RPS2: variants seen among roughly 807,000 people sequenced by gnomAD.
RPS2 encodes small ribosomal subunit protein uS5.
A neutral mutation model predicts 25.3 loss-of-function variants in RPS2; 8 were observed. The observed-to-expected ratio is 0.32, with a 90% CI of 0.19 to 0.57. RPS2 has a LOEUF of 0.57. RPS2 is among the 20% of genes least tolerant of loss of function. The pLI, the probability that RPS2 is intolerant of heterozygous loss-of-function variation, is 0.90. For missense variants in RPS2, 229 were observed against 408.1 expected (o/e 0.56, Z 3.78); for synonymous variants, 181 against 161.3 (o/e 1.12, Z -0.92).
chr16:1,964,759 T>G (rs2083291702), intron 1 of RPS2, 48 bp downstream of exon 1: 1 of 561,274 alleles, frequency 1.8e-6, no homozygotes, highest in Non-Finnish European at 3.1e-6. Flanking sequence ...TGTCCGCGGA[T>G]TCCCGCCGCC....
intron 3 of RPS2, 146 bp from the exon 4 acceptor site, chr16:1,963,402 G>C (rs114553579): frequency 1.7e-6 from 1 of 599,574 alleles, no homozygotes. Flanking sequence ...CGGATCACAA[G>C]GTCAGGAGTC....
intron 3 of RPS2, 54 bp from the exon 4 acceptor site, chr16:1,963,310 T>C (rs1477127915): frequency 3.3e-6 from 4 of 1,223,906 alleles, no homozygotes; most frequent in Non-Finnish European, 4.6e-6. Flanking sequence ...CTTAATACCA[T>C]TATGATATTC....
At chr16:1,964,406 G>C (rs761905160) in intron 2 of RPS2, 41 bp from the exon 3 acceptor site, 3 of 1,612,818 alleles carry the variant, frequency 1.9e-6, no homozygotes, top group Admixed American at 3.3e-5. Context: ...ACCGCTCTCC[G>C]GCGCCGCCCA....
intron 3 of RPS2, chr16:1,963,549 G>A: frequency 2.8e-6 from 1 of 363,388 alleles, no homozygotes; most frequent in Non-Finnish European, 5.3e-6. Context: ...CTGGGAGGTG[G>A]AGGTTGCAGT....
chr16:1,963,078 C>T (rs769847644), intron 4 of RPS2, 71 bp downstream of exon 4: 1 of 1,404,322 alleles, frequency 7.1e-7, no homozygotes, highest in Admixed American at 1.7e-5. Context: ...CGGGTGAAGC[C>T]AAGTGCAACT....
rs756216937 is a variant in RPS2, at chr16:1,964,503, TCCACGG to T, written c.117_122del (p.Arg48_Gly49del). 11 of 1,600,662 alleles carry T rather than the reference TCCACGG, an allele frequency of 6.9e-6. No homozygotes were observed. In the Admixed American group the frequency reaches 1.7e-4, roughly 25 times the overall value. On this transcript the variant is annotated inframe_deletion, in exon 2 of 7. Coordinates refer to ENST00000343262, the MANE Select transcript of RPS2 (RefSeq NM_002952.4). ...CTCCGCGGCCTCGGCCCCGGCCCCG[TCCACGG>T]CCGCGACCCCGGCCCCGGATGCCAC...
rs777101830 is a variant in RPS2, at chr16:1,964,333, G to A, written c.210C>T (p.Val70=). ...CCAGGGACTTGATCTTCATGTCCTT[G>A]ACCAAGCGGCCCAACTTGGTGACGG... is the stretch of plus-strand genomic sequence containing the variant. ...WMPVTKLGRL[V]KDMKIKSLEE... Residue 70 remains valine (V), a synonymous_variant, in exon 3 of 7, where the codon GTC becomes GTT. Transcript: ENST00000343262. 2.5e-6 allele frequency: 4 copies of A among 1,613,344 alleles called. No homozygotes were observed. The highest frequency in any genetic ancestry group is 1.7e-5 in the Admixed American group (1 of 60,010).
intron 1 of RPS2, 36 bp downstream of exon 1, chr16:1,964,771 A>C: frequency 1.8e-6 from 1 of 554,138 alleles, no homozygotes; most frequent in South Asian, 2.4e-5. Context: ...CCCGCCGCCC[A>C]CGCAGAGGCC....
chr16:1,964,224 C>T (rs1597039164), intron 3 of RPS2, 52 bp downstream of exon 3: 1 of 1,357,662 alleles, frequency 7.4e-7, no homozygotes, highest in South Asian at 1.2e-5. Context: ...CAACCCCAGC[C>T]CAAATGACTC....
Position 1,962,674 on chromosome 16 carries a change from CAGGA to C in RPS2, c.550-22_550-19del. ...CCTGTCACCTGGTGAGGGAAGGAGT[CAGGA>C]GACGGGGGCCCGAGGGAGCCTGCCC... On this transcript the variant is annotated intron_variant, in intron 5 of 6. Transcript: ENST00000343262. The C allele has an allele frequency of 6.3e-7, 1 of 1,588,952 alleles. No individual in the cohort carries two copies. Among genetic ancestry groups the C allele is most frequent in the Non-Finnish European group, 8.6e-7 (1 of 1,168,258 alleles).
rs984917248 is a variant in RPS2, at chr16:1,964,188, C to T, written c.267+88G>A. 1.2e-5 allele frequency: 12 copies of T among 974,536 alleles called. 1 individual carries two copies. The South Asian group carries it at 1.5e-4, about 12-fold the overall frequency. The allele number at this position is 974,536 out of a possible 1,614,324, so 60.4% of individuals were successfully genotyped here. A position where few individuals can be genotyped will look rare whatever the true frequency, so the allele number is the denominator to read the frequency against. The stretch of plus-strand genomic sequence containing the variant: ...ACGCGAGACGCTGGGCCCTTTAATG[C>T]GAGTCAATGGCAGATGCTAATCCTC... On this transcript the variant is annotated intron_variant, in intron 3 of 6. Coordinates refer to ENST00000343262, the MANE Select transcript of RPS2 (RefSeq NM_002952.4).
At chr16:1,964,197 G>A (rs1333940162) in intron 3 of RPS2, 79 bp downstream of exon 3, 2 of 1,048,568 alleles carry the variant, frequency 1.9e-6, no homozygotes, top group East Asian at 4.8e-5. Flanking sequence ...GCGAGTCAAT[G>A]GCAGATGCTA....
At chr16:1,962,442 T>C (rs2083265491) in intron 6 of RPS2, 55 bp downstream of exon 6, 1 of 1,539,062 alleles carries the variant, frequency 6.5e-7, no homozygotes, top group South Asian at 1.1e-5. Context: ...ACTGGACCCG[T>C]GTGGTTAAGC....
rs1567318446 is a variant in RPS2, at chr16:1,964,371, G to C, written c.178-6C>G. 2 of 1,613,322 alleles carry C rather than the reference G, an allele frequency of 1.2e-6. No homozygotes were observed. Among genetic ancestry groups the C allele is most frequent in the Admixed American group, 1.7e-5 (1 of 60,004 alleles). On this transcript the variant is annotated splice_polypyrimidine_tract_variant and splice_region_variant and intron_variant, in intron 2 of 6. Transcript: ENST00000343262. ...AACTTGGTGACGGGCATCCACTAAA[G>C]GGAGAAAAGGCGCCAGTGACCAGGA...
In RPS2 at chr16:1,964,492, C is replaced by A. The variant is rs746558635; in HGVS notation, c.134G>T (p.Gly45Val). 15 of 1,605,238 alleles carry A rather than the reference C, an allele frequency of 9.3e-6. No homozygotes were observed. The Admixed American group carries it at 1.9e-4, about 20-fold the overall frequency. Residue 45 changes from glycine to valine, a missense_variant, in exon 2 of 7, where the codon GGC becomes GTC. Physicochemically the swap from Gly to Val is moderately radical, Grantham distance 109. Around this residue, in one of 7 missense-constraint regions of RPS2, gnomAD observed 70 missense variants for 119.0 expected, o/e 0.59. Transcript: ENST00000343262. Reference protein sequence around the residue: ...GRGRGRGRGRGRGRGARGGKA... With the variant: ...GRGRGRGRGRVRGRGARGGKA... ...GCCTCCGCGAGCTCCGCGGCCTCGG[C>A]CCCGGCCCCGTCCACGGCCGCGACC... is the stretch of plus-strand genomic sequence containing the variant.
At chr16:1,963,288 A>AT (rs1217317342) in intron 3 of RPS2, 32 bp from the exon 4 acceptor site, 15 of 1,384,138 alleles carry the variant, frequency 1.1e-5, no homozygotes, top group Non-Finnish European at 1.5e-5. Context: ...TAGGGAGAGC[A>AT]TTAAAAAAAA....
At position 1,962,064 on chromosome 16, in the gene RPS2, G is replaced by C; in HGVS notation, c.*34C>G. On this transcript the variant is annotated 3_prime_UTR_variant, in exon 7 of 7. Coordinates refer to ENST00000343262, the MANE Select transcript of RPS2 (RefSeq NM_002952.4). ...GGACACGGGAAAAAAACAGTAACAC[G>C]CTTAATTCACTTTATTTTTCTTGTA... The C allele has an allele frequency of 1.3e-6, 2 of 1,516,434 alleles. No individual in the cohort carries two copies. Among genetic ancestry groups the C allele is most frequent in the Non-Finnish European group, 1.8e-6 (2 of 1,129,824 alleles). 93.9% of individuals were successfully genotyped at this position (1,516,434 alleles called of 1,614,324 possible).
chr16:1,964,640 G>A lies in RPS2; in HGVS notation c.-3-12C>T. 5 of 1,368,746 alleles carry A rather than the reference G, an allele frequency of 3.7e-6. No homozygotes were observed. The highest frequency in any genetic ancestry group is 2.4e-5 in the East Asian group (1 of 41,460). 84.8% of individuals were successfully genotyped at this position (1,368,746 alleles called of 1,614,324 possible). A position where few individuals can be genotyped will look rare whatever the true frequency, so the allele number is the denominator to read the frequency against. On this transcript the variant is annotated splice_polypyrimidine_tract_variant and intron_variant, in intron 1 of 6. Coordinates refer to ENST00000343262, the MANE Select transcript of RPS2 (RefSeq NM_002952.4). ...TCATCCGCCATTTGCTGGGAAAAGC[G>A]ACAAGAAGGAACTAGTCAGTGTGGC...
intron 3 of RPS2, chr16:1,963,509 A>T (rs2083277184): frequency 5.4e-5 from 21 of 389,598 alleles, no homozygotes; most frequent in South Asian, 4.2e-4. Context: ...CCAGCTATTC[A>T]GGAGGCTGAG....
Sources: allele counts gnomAD v4.1 joint callset, GRCh38; gene constraint gnomAD v4.1.1; regional missense constraint gnomAD v4.1.1; transcripts MANE v1.5; gene names NCBI Gene and HGNC (gene_info 2026-07-23, HGNC 2026-07-21).